The following EPHA5 variants were observed in gnomAD, a reference collection of about 807,000 sequenced individuals.
EPHA5 encodes the protein ephrin type-A receptor 5.
In EPHA5, 60 loss-of-function variants were observed where a neutral mutation model predicts 105.0. The ratio of observed to expected loss-of-function variants is 0.57; its 90% CI spans 0.46 to 0.71. EPHA5 has a LOEUF of 0.71. Ranked by LOEUF, EPHA5 falls within the 30% of genes least tolerant of loss-of-function variation. The pLI is 0.00. For synonymous variants in EPHA5, 513 were observed against 449.1 expected (o/e 1.14, Z -1.80); for missense variants, 1,218 against 1,274.7 (o/e 0.96, Z 0.68).
At chr4:65,350,119 A>G (rs1438756493) in intron 13 of EPHA5, among the ~76,000 whole-genome samples, 1 of 152,164 alleles carries the variant, frequency 6.6e-6, no homozygotes, top group African/African-American at 2.4e-5. Context: ...TCACACTGGC[A>G]ATGGATAGTT....
At chr4:65,556,740 A>G (rs985106038) in intron 3 of EPHA5, among the ~76,000 whole-genome samples, 2 of 152,206 alleles carry the variant, frequency 1.3e-5, no homozygotes, top group Non-Finnish European at 2.9e-5. Flanking sequence ...TTCAGCAAAT[A>G]GAGCATTAGC....
At chr4:65,388,517 T>C (rs4563540) in intron 8 of EPHA5, among the ~76,000 whole-genome samples, 2 of 149,256 alleles carry the variant, frequency 1.3e-5, no homozygotes, top group African/African-American at 4.9e-5. Context: ...ATTCTAACTG[T>C]TGTGAGATGG....
intron 3 of EPHA5, among the ~76,000 whole-genome samples, chr4:65,600,519 T>C (rs569270554): frequency 6.6e-5 from 10 of 152,128 alleles, no homozygotes; most frequent in Non-Finnish European, 1.3e-4. Context: ...AATTTACAGG[T>C]AATTTCCCTA....
chr4:65,667,153 T>A (rs1030936445), intron 1 of EPHA5, among the ~76,000 whole-genome samples: 7 of 152,154 alleles, frequency 4.6e-5, no homozygotes, highest in Non-Finnish European at 8.8e-5. Context: ...AAAACTCTAA[T>A]CTGAATCTCT....
At chr4:65,555,034 A>G (rs1738288822) in intron 3 of EPHA5, among the ~76,000 whole-genome samples, 1 of 145,156 alleles carries the variant, frequency 6.9e-6, no homozygotes, top group African/African-American at 2.5e-5. Flanking sequence ...TGTCAGTTTT[A>G]AGGAAGTTTT....
intron 5 of EPHA5, among the ~76,000 whole-genome samples, chr4:65,455,185 A>G: frequency 6.6e-6 from 1 of 152,112 alleles, no homozygotes; most frequent in Non-Finnish European, 1.5e-5. Flanking sequence ...GTGAGCCAAG[A>G]TTGTGCCACT....
At chr4:65,468,605 A>ATATAT (rs1491429437) in intron 5 of EPHA5, among the ~76,000 whole-genome samples, 3 of 1,250 alleles carry the variant, frequency 2.4e-3, no homozygotes, top group Non-Finnish European at 6.5e-3. Context: ...TATATATATT[A>ATATAT]TATATATTAT....
chr4:65,594,428 T>G (rs923184628), intron 3 of EPHA5, among the ~76,000 whole-genome samples: 1 of 152,164 alleles, frequency 6.6e-6, no homozygotes, highest in African/African-American at 2.4e-5. Context: ...CATCATCATA[T>G]AAAACATCCT....
At chr4:65,324,294 G>T in intron 16 of EPHA5, 75 bp from the exon 17 acceptor site, 1 of 972,888 alleles carries the variant, frequency 1.0e-6, no homozygotes, top group South Asian at 1.4e-5. Context: ...TTGGCAAAGG[G>T]GCAAACATAG....
chr4:65,567,184 AG>A (rs1275942990), intron 3 of EPHA5, among the ~76,000 whole-genome samples: 1 of 151,674 alleles, frequency 6.6e-6, no homozygotes, highest in Non-Finnish European at 1.5e-5. Flanking sequence ...TGTCTTGAAA[AG>A]TTGGTTTTTC....
At chr4:65,625,251 C>T (rs1172110499) in intron 2 of EPHA5, among the ~76,000 whole-genome samples, 9 of 151,706 alleles carry the variant, frequency 5.9e-5, no homozygotes, top group African/African-American at 9.7e-5. Context: ...TAGAAGAGAA[C>T]GCCAAGTGAA....
At chr4:65,505,049 T>C (rs1732869104) in intron 3 of EPHA5, among the ~76,000 whole-genome samples, 1 of 152,042 alleles carries the variant, frequency 6.6e-6, no homozygotes, top group Non-Finnish European at 1.5e-5. Context: ...TGTAAGCTTG[T>C]CTATGTGCAA....
At chr4:65,341,674 C>T (rs912952157) in intron 14 of EPHA5, among the ~76,000 whole-genome samples, 6 of 151,782 alleles carry the variant, frequency 4.0e-5, no homozygotes, top group African/African-American at 1.2e-4. Flanking sequence ...ATAGTGCATT[C>T]TTCATCACAG....
intron 7 of EPHA5, among the ~76,000 whole-genome samples, chr4:65,406,604 T>C (rs779802734): frequency 6.6e-6 from 1 of 152,114 alleles, no homozygotes; most frequent in East Asian, 1.9e-4. Flanking sequence ...TTGTTTTTTA[T>C]CCTCCCCTTC....
Position 65,643,356 on chromosome 4 carries a change from A to T in EPHA5, c.246+7T>A, listed in dbSNP as rs749474187. The T allele has an allele frequency of 6.2e-7, 1 of 1,611,204 alleles. No individual in the cohort carries two copies. Among genetic ancestry groups the T allele is most frequent in the Non-Finnish European group, 8.5e-7 (1 of 1,177,650 alleles). On this transcript the variant is annotated splice_region_variant and intron_variant, in intron 2 of 16. Coordinates refer to ENST00000613740, the MANE Select transcript of EPHA5 (RefSeq NM_001281766.3). ...TTAAGTTTTAGAAAAACTTTCATAA[A>T]ACTTACCCCATTTTTTGGAAAAGCA...
At chr4:65,507,413 G>A (rs1733149953) in intron 3 of EPHA5, among the ~76,000 whole-genome samples, 3 of 152,142 alleles carry the variant, frequency 2.0e-5, no homozygotes, top group African/African-American at 7.2e-5. Context: ...GAAAGCCATT[G>A]GTAGCTTAAT....
chr4:65,460,977 G>T (rs996420270), intron 5 of EPHA5, among the ~76,000 whole-genome samples: 4 of 151,912 alleles, frequency 2.6e-5, no homozygotes, highest in African/African-American at 4.8e-5. Context: ...GTCATGGATT[G>T]TATGTGTGAT....
chr4:65,435,345 A>G (rs937544519), intron 5 of EPHA5, among the ~76,000 whole-genome samples: 6 of 152,124 alleles, frequency 3.9e-5, no homozygotes, highest in Non-Finnish European at 8.8e-5. Context: ...AATAATATTT[A>G]CAGAATTTAG....
At chr4:65,430,347 A>G (rs1222793663) in intron 5 of EPHA5, among the ~76,000 whole-genome samples, 2 of 152,168 alleles carry the variant, frequency 1.3e-5, no homozygotes, top group East Asian at 3.9e-4. Context: ...CTGGCTGCAA[A>G]GTGCTCAAGA....
Sources: allele counts gnomAD v4.1 joint callset (sites outside exome capture counted in the v4.1 genomes callset), GRCh38; gene constraint gnomAD v4.1.1; transcripts MANE v1.5; gene names NCBI Gene and HGNC (gene_info 2026-07-23, HGNC 2026-07-21).